Variants in CCNH observed in about 807,000 individuals in gnomAD.
CCNH encodes cyclin-H.
Under a neutral mutation model 41.9 loss-of-function variants are expected in CCNH, and 31 were observed. The ratio of observed to expected loss-of-function variants is 0.74; its 90% CI spans 0.56 to 1.00. CCNH has a LOEUF of 1.00. Ranked by LOEUF, CCNH falls within the 50% of genes least tolerant of loss-of-function variation. The probability of loss-of-function intolerance (pLI) is 0.00; values close to 1 mark genes in which losing one functional copy is unlikely to be tolerated. For synonymous variants in CCNH, 138 were observed against 136.1 expected, an observed-to-expected ratio of 1.01 and a Z score of -0.10; for missense variants, 362 against 388.4, an observed-to-expected ratio of 0.93 and a Z score of 0.57.
intron 6 of CCNH, among the ~76,000 whole-genome samples, chr5:87,400,806 GAC>G (rs1561348434): frequency 6.6e-6 from 1 of 152,126 alleles, no homozygotes; most frequent in Non-Finnish European, 1.5e-5. Context: ...AAACATGATC[GAC>G]TTTTAACCCC....
At chr5:87,358,685 G>A (rs527924824) in intron 9 of CCNH, among the ~76,000 whole-genome samples, 2 of 152,180 alleles carry the variant, frequency 1.3e-5, no homozygotes, top group African/African-American at 4.8e-5. Flanking sequence ...CAGAATAAAA[G>A]CCAAAGTCCT....
intron 9 of CCNH, among the ~76,000 whole-genome samples, chr5:87,356,422 C>T (rs189873794): frequency 6.7e-5 from 10 of 150,326 alleles, no homozygotes; most frequent in Admixed American, 2.0e-4. Context: ...CAGGGTCTTG[C>T]GCTGTGGCTG....
At chr5:87,409,486 C>T (rs1764061240) in intron 2 of CCNH, 123 bp from the exon 3 acceptor site, 2 of 530,730 alleles carry the variant, frequency 3.8e-6, no homozygotes, top group East Asian at 3.2e-5. Context: ...AATACTAATA[C>T]TCATTAATTC....
chr5:87,352,252 T>C (rs1419327781), intron 9 of CCNH, among the ~76,000 whole-genome samples: 1 of 151,670 alleles, frequency 6.6e-6, no homozygotes. Context: ...ACATTACTTA[T>C]ATTTGGTTTA....
chr5:87,364,374 A>G (rs1035878469), intron 9 of CCNH, among the ~76,000 whole-genome samples: 1 of 152,274 alleles, frequency 6.6e-6, no homozygotes, highest in Non-Finnish European at 1.5e-5. Context: ...AAAATGATCA[A>G]ATAGGTTTGG....
At chr5:87,367,164 A>T (rs1760589122) in intron 9 of CCNH, among the ~76,000 whole-genome samples, 2 of 152,352 alleles carry the variant, frequency 1.3e-5, no homozygotes, top group Middle Eastern at 6.8e-3. Context: ...ATGCCAAGGC[A>T]AATAGCATTA....
chr5:87,361,307 A>AT (rs1230269736), intron 9 of CCNH, among the ~76,000 whole-genome samples: 1 of 152,114 alleles, frequency 6.6e-6, no homozygotes, highest in Admixed American at 6.5e-5. Context: ...TCATTCTTCT[A>AT]TTTTCTTATT....
In CCNH at chr5:87,385,305, T is replaced by C. The variant is rs763619214; in HGVS notation, c.*90+7465A>G. 1 of 1,602,958 alleles carries C rather than the reference T, an allele frequency of 6.2e-7. No homozygotes were observed. Among genetic ancestry groups the C allele is most frequent in the Non-Finnish European group, 8.5e-7 (1 of 1,170,196 alleles). ...CTGTGCCCAATTCTGTTACAGATTC[T>C]CCATCTCCTATTGCTGCAAGAACAC... On this transcript the variant is annotated intron_variant and NMD_transcript_variant, in intron 9 of 9. Transcript: ENST00000645953.
downstream of CCNH, among the ~76,000 whole-genome samples, chr5:87,388,432 A>G (rs988009054): frequency 2.6e-5 from 4 of 152,188 alleles, no homozygotes; most frequent in African/African-American, 7.2e-5. Flanking sequence ...CTGAAATGCT[A>G]AAAAATCCAA....
At position 87,402,403 on chromosome 5, in the gene CCNH, G is replaced by C. The variant is rs189632819; in HGVS notation, c.690-631C>G. Among the ~76,000 whole-genome samples the C allele has an allele frequency of 1.2e-4, 19 of 152,210 alleles. No homozygotes were observed. In the East Asian group the frequency reaches 3.7e-3, roughly 29 times the overall value. On this transcript the variant is annotated intron_variant, in intron 5 of 8. Coordinates refer to ENST00000256897, the MANE Select transcript of CCNH (RefSeq NM_001239.4). Reference sequence around the variant, plus strand: ...TTTTTCTCAGAGCCACTGACAGTATGAAAATATAATTTCTATATTAAAATT... The same window carrying C: ...TTTTTCTCAGAGCCACTGACAGTATCAAAATATAATTTCTATATTAAAATT...
intron 3 of CCNH, 196 bp downstream of exon 3, chr5:87,409,094 A>T (rs1418541282): frequency 2.7e-6 from 1 of 370,432 alleles, no homozygotes; most frequent in Non-Finnish European, 4.8e-6. Context: ...ATACCATCAG[A>T]ATTACTGAAG....
intron 7 of CCNH, among the ~76,000 whole-genome samples, chr5:87,395,361 A>C (rs188073758): frequency 1.6e-4 from 24 of 152,344 alleles, no homozygotes; most frequent in Non-Finnish European, 2.1e-4. Flanking sequence ...CCTAGGAAAG[A>C]GTGTGAAAAA....
intron 9 of CCNH, chr5:87,337,836 C>A: frequency 1.1e-6 from 1 of 873,928 alleles, no homozygotes; most frequent in Non-Finnish European, 1.6e-6. Flanking sequence ...AAATAGGATA[C>A]AAATTTAGGG....
chr5:87,400,433 T>C (rs2112559187), intron 6 of CCNH, among the ~76,000 whole-genome samples: 1 of 152,288 alleles, frequency 6.6e-6, no homozygotes, highest in Admixed American at 6.5e-5. Flanking sequence ...AGCTATGAAA[T>C]GAGTACAGTG....
rs373817456 is a variant in CCNH, at chr5:87,341,333, T to C, written c.*91-22436A>G. 7.6e-7 allele frequency: 1 copy of C among 1,313,506 alleles called. No homozygotes were observed. 81.4% of individuals were successfully genotyped at this position (1,313,506 alleles called of 1,614,324 possible). ...CATGAAGGAAAAATGTGAGTTTGTG[T>C]TAATTATTAAAATGAAAAAAAAAAT... On this transcript the variant is annotated intron_variant and NMD_transcript_variant, in intron 9 of 9. Coordinates refer to the CCNH transcript ENST00000645953.
chr5:87,319,921 C>G (rs902413070), intron 9 of CCNH, among the ~76,000 whole-genome samples: 1 of 152,222 alleles, frequency 6.6e-6, no homozygotes, highest in African/African-American at 2.4e-5. Context: ...TTCACACCGT[C>G]TCTTCATACA....
intron 7 of CCNH, among the ~76,000 whole-genome samples, chr5:87,397,158 ATT>A (rs949846247): frequency 1.3e-5 from 2 of 148,650 alleles, no homozygotes; most frequent in Admixed American, 6.7e-5. Flanking sequence ...GTGTTTCATA[ATT>A]TTTTTTTTGT....
chr5:87,367,856 GGTAAT>G (rs1760638966), intron 9 of CCNH, among the ~76,000 whole-genome samples: 1 of 151,970 alleles, frequency 6.6e-6, no homozygotes. Context: ...CTGTTTTAGA[GGTAAT>G]GTATCTTTGT....
At chr5:87,381,029 T>C (rs1032048711), upstream of CCNH, among the ~76,000 whole-genome samples, 3 of 152,202 alleles carry the variant, frequency 2.0e-5, no homozygotes, top group African/African-American at 7.2e-5. Context: ...TGAAGCTGTG[T>C]TTCAGTCTGC....
Sources: allele counts gnomAD v4.1 joint callset (sites outside exome capture counted in the v4.1 genomes callset), GRCh38; gene constraint gnomAD v4.1.1; transcripts MANE v1.5; gene names NCBI Gene and HGNC (gene_info 2026-07-23, HGNC 2026-07-21).